Variants in PPCS observed in about 807,000 individuals in gnomAD.
The protein encoded by PPCS is phosphopantothenate--cysteine ligase.
In PPCS, 17 loss-of-function variants were observed where a neutral mutation model predicts 24.6. The observed-to-expected ratio is 0.69, with a 90% CI of 0.47 to 1.04. The LOEUF (loss-of-function observed/expected upper bound fraction) is 1.04, where lower values mean the gene tolerates loss of function less well. Ranked by LOEUF, PPCS falls within the 50% of genes least tolerant of loss-of-function variation. PPCS has a pLI of 0.00. For synonymous variants in PPCS, 190 were observed against 168.3 expected (o/e 1.13, Z -1.00); for missense variants, 360 against 402.8 (o/e 0.89, Z 0.91).
rs1222675034 is a variant in PPCS, at chr1:42,460,157, TATTGGGAATTA to T, written c.*232_*242del. ...TTAATCACCTTTAAAAAGAAGAGCT[TATTGGGAATTA>T]TATATTCCTTAAAATATACATGGGG... On this transcript the variant is annotated 3_prime_UTR_variant, in exon 3 of 3. Transcript: ENST00000372561. The T allele has an allele frequency of 5.6e-6, 7 of 1,245,966 alleles. No homozygotes were observed. In the African/African-American group the frequency reaches 1.1e-4, roughly 19 times the overall value. The allele number at this position is 1,245,966 out of a possible 1,614,324, so 77.2% of individuals were successfully genotyped here. A position where few individuals can be genotyped will look rare whatever the true frequency, so the allele number is the denominator to read the frequency against.
At chr1:42,464,688 T>C (rs1643512272), downstream of PPCS, among the ~76,000 whole-genome samples, 1 of 152,274 alleles carries the variant, frequency 6.6e-6, no homozygotes, top group Non-Finnish European at 1.5e-5. Context: ...CTTGGAAAGC[T>C]TGACTTAATT....
At chr1:42,463,098 TC>T (rs1643455182), downstream of PPCS, among the ~76,000 whole-genome samples, 1 of 152,324 alleles carries the variant, frequency 6.6e-6, no homozygotes, top group South Asian at 2.1e-4. Flanking sequence ...TACAGCTGTC[TC>T]CAAAGCCAAT....
At chr1:42,462,607 C>G (rs1365353353), downstream of PPCS, among the ~76,000 whole-genome samples, 1 of 152,120 alleles carries the variant, frequency 6.6e-6, no homozygotes, top group Non-Finnish European at 1.5e-5. Flanking sequence ...CAAAACATGA[C>G]TAAAATCGAG....
chr1:42,468,560 A>C (rs1257419653), intron 2 of PPCS: 2 of 152,206 alleles, frequency 1.3e-5, no homozygotes, highest in Admixed American at 1.3e-4. Flanking sequence ...TCTGTGGAAG[A>C]AGGGAATAGT....
chr1:42,467,522 C>G (rs1187461576), intron 2 of PPCS, among the ~76,000 whole-genome samples: 1 of 152,144 alleles, frequency 6.6e-6, no homozygotes, highest in African/African-American at 2.4e-5. Flanking sequence ...ACTATGTTGA[C>G]AGTGATTTTA....
At chr1:42,463,008 CG>C (rs1643451330), downstream of PPCS, among the ~76,000 whole-genome samples, 1 of 151,272 alleles carries the variant, frequency 6.6e-6, no homozygotes, top group Admixed American at 6.6e-5. Context: ...TGAGTCCTGG[CG>C]GGAAGTTCTT....
At chr1:42,458,344 T>C (rs1251562304) in intron 2 of PPCS, among the ~76,000 whole-genome samples, 1 of 152,178 alleles carries the variant, frequency 6.6e-6, no homozygotes, top group African/African-American at 2.4e-5. Flanking sequence ...GTGGTTGTGA[T>C]TTTAGATTTT....
chr1:42,457,318 C>CACA lies in PPCS; in HGVS notation c.582_584dup (p.His194_Lys195insAsn). 1 of 1,614,166 alleles carries CACA rather than the reference C, an allele frequency of 6.2e-7. No individual in the cohort carries two copies. The highest frequency in any genetic ancestry group is 8.5e-7 in the Non-Finnish European group (1 of 1,179,998). ...TGTTCCTGTCTCTGAAATGCCTGAACACAAGATCCAGTCATCTGGGGGCCC... is the reference window on the plus strand; with the variant it reads ...TGTTCCTGTCTCTGAAATGCCTGAACACAACAAGATCCAGTCATCTGGGGGCCC... On this transcript the variant is annotated inframe_insertion, in exon 2 of 3. Coordinates refer to ENST00000372561, the MANE Select transcript of PPCS (RefSeq NM_024664.4).
At chr1:42,468,041 G>A (rs1643646744) in intron 2 of PPCS, among the ~76,000 whole-genome samples, 1 of 152,212 alleles carries the variant, frequency 6.6e-6, no homozygotes, top group African/African-American at 2.4e-5. Flanking sequence ...GTTAATGGCT[G>A]TGTAGTTCTG....
In PPCS at chr1:42,461,180, C is replaced by G. The variant is rs1428864322; in HGVS notation, c.*1254C>G. On this transcript the variant is annotated 3_prime_UTR_variant, in exon 3 of 3. Transcript: ENST00000372561. The stretch of plus-strand genomic sequence containing the variant: ...TTCATGGAGTAGGGAAGGGTAGCCC[C>G]TGTGTCTGTCTGATAATAGAAGTAC... Among the ~76,000 whole-genome samples, 2 of 152,124 alleles carry G rather than the reference C, an allele frequency of 1.3e-5. No individual in the cohort carries two copies. The highest frequency in any genetic ancestry group is 6.5e-5 in the Admixed American group (1 of 15,280).
chr1:42,471,892 T>C (rs1056230673), intron 2 of PPCS, among the ~76,000 whole-genome samples: 8 of 151,854 alleles, frequency 5.3e-5, no homozygotes, highest in African/African-American at 1.9e-4. Context: ...GGTTTTGCTT[T>C]TAAAAAGCAA....
intron 2 of PPCS, among the ~76,000 whole-genome samples, chr1:42,470,626 T>C (rs1430577839): frequency 6.6e-6 from 1 of 152,200 alleles, no homozygotes; most frequent in African/African-American, 2.4e-5. Flanking sequence ...TATTATTCAA[T>C]CTTAAATGAA....
In PPCS at chr1:42,456,706, C is replaced by T. The variant is rs749719515; in HGVS notation, c.141C>T (p.Val47=). ...VVLVTSGGTK[V]PLEARPVRFL... ...TGGTTACGTCAGGCGGCACCAAGGT[C>T]CCACTGGAAGCGCGGCCGGTGCGCT... The change falls in exon 1 of 3, where the codon GTC becomes GTT. Residue 47 remains valine, a synonymous_variant. Coordinates refer to ENST00000372561, the MANE Select transcript of PPCS (RefSeq NM_024664.4). 6.8e-6 allele frequency: 11 copies of T among 1,608,328 alleles called. No individual in the cohort carries two copies. The African/African-American group carries it at 1.2e-4, about 18-fold the overall frequency.
downstream of PPCS, among the ~76,000 whole-genome samples, chr1:42,465,244 G>C (rs537669207): frequency 9.2e-5 from 14 of 152,304 alleles, 1 homozygote; most frequent in African/African-American, 3.4e-4. Flanking sequence ...CTGGGAGATC[G>C]AGGCTGCAGT....
At chr1:42,471,090 T>C (rs1469692315) in intron 2 of PPCS, among the ~76,000 whole-genome samples, 1 of 152,154 alleles carries the variant, frequency 6.6e-6, no homozygotes, top group Non-Finnish European at 1.5e-5. Flanking sequence ...GGTGTAGCCA[T>C]GAGGATGGGC....
chr1:42,471,411 T>A (rs540689554), intron 2 of PPCS, among the ~76,000 whole-genome samples: 1 of 152,382 alleles, frequency 6.6e-6, no homozygotes, highest in Admixed American at 6.5e-5. Context: ...CAACTGCTTT[T>A]AGCACTTTGA....
Position 42,471,368 on chromosome 1 carries a change from C to A in PPCS, n.378-1754C>A, listed in dbSNP as rs184963532. Among the ~76,000 whole-genome samples the A allele has an allele frequency of 2.0e-5, 3 of 152,276 alleles. No individual in the cohort carries two copies. The East Asian group carries it at 5.8e-4, about 29-fold the overall frequency. On this transcript the variant is annotated intron_variant and non_coding_transcript_variant, in intron 2 of 2. Coordinates refer to the PPCS transcript ENST00000471420. ...AGTACAGGACTTATAATAATTTAAG[C>A]ATTTATTTTCTAATTACCTCATCAG...
chr1:42,469,962 T>C (rs898549854), intron 2 of PPCS, among the ~76,000 whole-genome samples: 3 of 152,342 alleles, frequency 2.0e-5, no homozygotes, highest in Admixed American at 1.3e-4. Context: ...GCCATGAATT[T>C]GTAATGGTTC....
rs79990645 is a variant in PPCS at position 42,458,332 on chromosome 1, G to A, written c.612+982G>A. ...TAAGGAAGAAATATGGATAAGGTAG[G>A]TGTGGTTGTGATTTTAGATTTTTGG... On this transcript the variant is annotated intron_variant, in intron 2 of 2. Coordinates refer to ENST00000372561, the MANE Select transcript of PPCS (RefSeq NM_024664.4). Among the ~76,000 whole-genome samples, 881 of 152,292 alleles carry A rather than the reference G, an allele frequency of 5.8e-3. 10 individuals are homozygous for A. The highest frequency in any genetic ancestry group is 9.6e-3 in the Non-Finnish European group (653 of 68,016).
Sources: gnomAD v4.1 joint callset for allele counts (sites outside exome capture counted in the v4.1 genomes callset) on GRCh38, gnomAD v4.1.1 for gene constraint, MANE v1.5 for transcripts, NCBI Gene and HGNC (gene_info 2026-07-23, HGNC 2026-07-21) for gene names.